CELF2: variants seen among roughly 807,000 people sequenced by gnomAD.
CELF2 encodes the protein CUG triplet repeat RNA-binding protein 2.
In CELF2, 8 loss-of-function variants were observed where a neutral mutation model predicts 62.6. The ratio of observed to expected loss-of-function variants is 0.13; its 90% CI spans 0.07 to 0.23. The LOEUF (loss-of-function observed/expected upper bound fraction) is 0.23, where lower values mean the gene tolerates loss of function less well. CELF2 is among the 10% of genes least tolerant of loss of function. CELF2 has a pLI of 1.00. For missense variants in CELF2, 333 were observed against 671.0 expected (o/e 0.50, Z 5.56); for synonymous variants, 258 against 250.0 (o/e 1.03, Z -0.30).
the CELF2 span, among the ~76,000 whole-genome samples, chr10:10,520,992 C>A: frequency 6.6e-6 from 1 of 152,084 alleles, no homozygotes; most frequent in Non-Finnish European, 1.5e-5. Context: ...GCTATGGTAA[C>A]CAAACTAGCT....
chr10:10,964,335 T>C (rs1205440682), intron 2 of CELF2, among the ~76,000 whole-genome samples: 1 of 152,202 alleles, frequency 6.6e-6, no homozygotes, highest in Non-Finnish European at 1.5e-5. Context: ...CTATTTGGAC[T>C]GATGTGATCA....
chr10:11,281,050 C>T (rs2088473098), intron 8 of CELF2, among the ~76,000 whole-genome samples: 1 of 150,898 alleles, frequency 6.6e-6, no homozygotes, highest in African/African-American at 2.5e-5. Flanking sequence ...CTGTCTTCAT[C>T]CTCCCTCTTC....
chr10:10,713,066 C>T, the CELF2 span, among the ~76,000 whole-genome samples: 2 of 152,154 alleles, frequency 1.3e-5, no homozygotes, highest in Non-Finnish European at 2.9e-5. Flanking sequence ...TATTTCTGTT[C>T]TACAATACAT....
intron 1 of CELF2, among the ~76,000 whole-genome samples, chr10:10,883,901 C>T (rs1341737022): frequency 1.3e-5 from 2 of 151,434 alleles, no homozygotes; most frequent in Non-Finnish European, 2.9e-5. Context: ...CCTCTTCTTC[C>T]TCCCCCTCTT....
chr10:11,331,455 A>ATC lies in CELF2; in HGVS notation c.*2403_*2404insCT, dbSNP rs10701445. On this transcript the variant is annotated 3_prime_UTR_variant, in exon 13 of 13. Coordinates refer to ENST00000633077, the MANE Select transcript of CELF2 (RefSeq NM_001326342.2). The stretch of plus-strand genomic sequence containing the variant: ...ATGTGTTTGTGTTCAGCAAAATGTG[A>ATC]TGTTTTTTTCTTTTAAAGAAAAAAA... 0.99 allele frequency: 151,001 copies of ATC among 151,950 alleles called. 75,040 individuals carry two copies. Among genetic ancestry groups the ATC allele is most frequent in the Middle Eastern group, 1 (290 of 290 alleles). 9.4% of individuals were successfully genotyped at this position (151,950 alleles called of 1,614,324 possible). A position where few individuals can be genotyped will look rare whatever the true frequency, so the allele number is the denominator to read the frequency against.
At position 11,330,888 on chromosome 10, in the gene CELF2, A is replaced by G. The variant is rs2095999944; in HGVS notation, c.*1835A>G. On this transcript the variant is annotated 3_prime_UTR_variant, in exon 13 of 13. Transcript: ENST00000633077. This position sits in a 1 kb window ranked among gnomAD's most constrained non-coding sequence, Gnocchi z 4.5. ...GACTACTTCCAAAAACAGTTTGAGA[A>G]AAAAACTGTCTGATTTTAAGTCTCT... 1 of 152,620 alleles carries G rather than the reference A, an allele frequency of 6.6e-6. No individual in the cohort carries two copies. Among genetic ancestry groups the G allele is most frequent in the African/African-American group, 2.4e-5 (1 of 41,438 alleles). The allele number at this position is 152,620 out of a possible 1,614,324, so 9.5% of individuals were successfully genotyped here.
chr10:11,291,372 A>G (rs1488141118), intron 9 of CELF2, among the ~76,000 whole-genome samples: 1 of 152,192 alleles, frequency 6.6e-6, no homozygotes, highest in Non-Finnish European at 1.5e-5. Context: ...TGGCTTTAAA[A>G]CATGAAAGAT....
At position 11,177,390 on chromosome 10, in the gene CELF2, A is replaced by G. The variant is rs1034761934; in HGVS notation, c.271+11708A>G. On this transcript the variant is annotated intron_variant, in intron 2 of 12. Transcript: ENST00000633077. The surrounding 1 kb of genome is among the most constrained non-coding windows in gnomAD (Gnocchi z 4.8). Reference sequence around the variant, plus strand: ...AGGTTAGCTTACCTTGGGTGTTTGTATTTTGTTGGCTTATGTTTGCATGTG... The same window carrying G: ...AGGTTAGCTTACCTTGGGTGTTTGTGTTTTGTTGGCTTATGTTTGCATGTG... 6.0e-5 allele frequency among the ~76,000 whole-genome samples: 9 copies of G among 150,734 alleles called. No individual in the cohort carries two copies. The highest frequency in any genetic ancestry group is 2.0e-4 in the African/African-American group (8 of 41,006).
chr10:10,695,439 G>A, the CELF2 span, among the ~76,000 whole-genome samples: 102 of 150,294 alleles, frequency 6.8e-4, no homozygotes, highest in South Asian at 1.3e-3. Flanking sequence ...TGCCCTTAAC[G>A]TTTTTTCCTT....
At chr10:11,037,796 A>G (rs149818471) in intron 1 of CELF2, among the ~76,000 whole-genome samples, 9 of 152,320 alleles carry the variant, frequency 5.9e-5, no homozygotes, top group East Asian at 5.8e-4. Context: ...TGGATTTACC[A>G]TGATACTTCT....
At chr10:10,968,212 C>T (rs985663776) in intron 2 of CELF2, among the ~76,000 whole-genome samples, 5 of 152,088 alleles carry the variant, frequency 3.3e-5, no homozygotes, top group African/African-American at 9.7e-5. Flanking sequence ...GAATTGACAG[C>T]GCATCTTTTT....
At chr10:10,718,280 G>C in the CELF2 span, among the ~76,000 whole-genome samples, 1 of 152,080 alleles carries the variant, frequency 6.6e-6, no homozygotes, top group African/African-American at 2.4e-5. Flanking sequence ...CTTCCATTCT[G>C]TGTGTTCCTT....
upstream of CELF2, chr10:10,798,549 A>G (rs1043015077): frequency 5.1e-6 from 2 of 391,450 alleles, no homozygotes; most frequent in Non-Finnish European, 9.0e-6. Context: ...GGGGCTTTAA[A>G]AGGTGGTGTG....
intron 1 of CELF2, among the ~76,000 whole-genome samples, chr10:11,023,456 A>G (rs2058666835): frequency 6.6e-6 from 1 of 152,254 alleles, no homozygotes; most frequent in African/African-American, 2.4e-5. Context: ...TGATGCTTTC[A>G]GGTAATTGTA....
chr10:11,018,817 A>T (rs6602472), intron 1 of CELF2: 128,389 of 152,230 alleles, frequency 0.84, 55,802 homozygotes, highest in East Asian at 1. Flanking sequence ...TCTTCTTACC[A>T]AATTACCCGC....
At chr10:10,745,938 A>G in the CELF2 span, among the ~76,000 whole-genome samples, 1 of 152,214 alleles carries the variant, frequency 6.6e-6, no homozygotes, top group Non-Finnish European at 1.5e-5. Context: ...CCTGCCTGTC[A>G]TTTGGTTTTG....
At chr10:10,529,205 C>T in the CELF2 span, among the ~76,000 whole-genome samples, 5 of 152,152 alleles carry the variant, frequency 3.3e-5, no homozygotes, top group African/African-American at 7.2e-5. Flanking sequence ...TCAGAGGAGC[C>T]TAGTGTGTTC....
the CELF2 span, among the ~76,000 whole-genome samples, chr10:10,699,883 T>C: frequency 6.6e-6 from 1 of 152,316 alleles, no homozygotes; most frequent in Admixed American, 6.5e-5. Flanking sequence ...AGCATCGCCG[T>C]AGTTTCCAGT....
chr10:10,888,081 C>G (rs1292760644), intron 1 of CELF2, among the ~76,000 whole-genome samples: 2 of 152,028 alleles, frequency 1.3e-5, no homozygotes, highest in African/African-American at 4.8e-5. Flanking sequence ...CCTGTGTAGA[C>G]TTTTGATGCA....
Sources: gnomAD v4.1 joint callset for allele counts (sites outside exome capture counted in the v4.1 genomes callset) on GRCh38, gnomAD v4.1.1 for gene constraint, Gnocchi (gnomAD v3.1) non-coding constraint, MANE v1.5 for transcripts, NCBI Gene and HGNC (gene_info 2026-07-23, HGNC 2026-07-21) for gene names.